FZR1: variants seen among roughly 807,000 people sequenced by gnomAD.
The protein encoded by FZR1 is fizzy and cell division cycle 20 related 1, also known as fizzy-related protein homolog.
FZR1 carries 11 observed loss-of-function variants against 63.6 expected under a neutral mutation model. The observed-to-expected ratio is 0.17, with a 90% CI of 0.11 to 0.29. The LOEUF (loss-of-function observed/expected upper bound fraction) is 0.29, where lower values mean the gene tolerates loss of function less well. FZR1 is among the 10% of genes least tolerant of loss of function. The pLI, the probability that FZR1 is intolerant of heterozygous loss-of-function variation, is 1.00. For synonymous variants in FZR1, 328 were observed against 297.9 expected, an observed-to-expected ratio of 1.10 and a Z score of -1.04; for missense variants, 440 against 687.5, an observed-to-expected ratio of 0.64 and a Z score of 4.03.
intron 1 of FZR1, among the ~76,000 whole-genome samples, chr19:3,513,253 CG>C (rs2083036508): frequency 6.6e-6 from 1 of 152,134 alleles, no homozygotes; most frequent in Admixed American, 6.5e-5. Flanking sequence ...GGCTGTGTCC[CG>C]GCCCACCCCC....
chr19:3,523,791 C>G (rs1458807710), intron 2 of FZR1, among the ~76,000 whole-genome samples: 1 of 152,224 alleles, frequency 6.6e-6, no homozygotes, highest in Admixed American at 6.5e-5. Context: ...GAGGGGCTGT[C>G]CCATCGCAGC....
rs1411952481 is a variant in FZR1, at chr19:3,515,451, C to T, written c.-34-7505C>T. ...GACCGTGGTTTGTTTTTTTGAATAC[C>T]TCACAGTTCACGTGATACAGAATTC... is the stretch of plus-strand genomic sequence containing the variant. On this transcript the variant is annotated intron_variant, in intron 1 of 13. Coordinates refer to ENST00000441788, the MANE Select transcript of FZR1 (RefSeq NM_016263.4). The surrounding 1 kb of genome is among the most constrained non-coding windows in gnomAD (Gnocchi z 4.6). Among the ~76,000 whole-genome samples the T allele has an allele frequency of 6.6e-6, 1 of 152,076 alleles. No homozygotes were observed. The highest frequency in any genetic ancestry group is 1.5e-5 in the Non-Finnish European group (1 of 68,010).
intron 7 of FZR1, among the ~76,000 whole-genome samples, chr19:3,529,142 A>ATGGGAGAGCGGATGGGAGAGCGGT (rs1372311729): frequency 1.2e-5 from 1 of 85,710 alleles, no homozygotes. Context: ...GGGAGAGCGG[A>ATGGGAGAGCGGATGGGAGAGCGGT]TGGGAGAGCG....
Position 3,533,480 on chromosome 19 carries a change from T to TGCTCTG in FZR1, c.1347+82_1347+83insGCTCTG. Reference sequence around the variant, plus strand: ...CCACCCCAGAGCACCCTGTCCTGTGTTCTTAGGGAGGATGGTGTGCAGATC... The same window carrying TGCTCTG: ...CCACCCCAGAGCACCCTGTCCTGTGTGCTCTGTCTTAGGGAGGATGGTGTGCAGATC... On this transcript the variant is annotated intron_variant, in intron 12 of 13. Transcript: ENST00000441788. This position sits in a 1 kb window ranked among gnomAD's most constrained non-coding sequence, Gnocchi z 4.9. The TGCTCTG allele has an allele frequency of 1.2e-6, 1 of 829,916 alleles. No homozygotes were observed. Among genetic ancestry groups the TGCTCTG allele is most frequent in the East Asian group, 2.6e-5 (1 of 38,894 alleles). 51.4% of individuals were successfully genotyped at this position (829,916 alleles called of 1,614,324 possible).
At chr19:3,518,228 G>A (rs1267077045) in intron 1 of FZR1, among the ~76,000 whole-genome samples, 1 of 152,032 alleles carries the variant, frequency 6.6e-6, no homozygotes, top group Non-Finnish European at 1.5e-5. Flanking sequence ...TGGCCAGGCT[G>A]GTGTCGAACT....
rs1200896420 is a variant in FZR1 at position 3,526,178 on chromosome 19, G to C, written c.254G>C (p.Gly85Ala). Residue 85 changes from glycine (G) to alanine (A), a missense_variant, in exon 4 of 14, where the codon GGC becomes GCC. By Grantham distance (60) the Gly-to-Ala change is moderately conservative. Coordinates refer to ENST00000441788, the MANE Select transcript of FZR1 (RefSeq NM_016263.4). This position sits in a 1 kb window ranked among gnomAD's most constrained non-coding sequence, Gnocchi z 5.4. ...GCCAAGGACGCCACCTCAGACAACG[G>C]CAAAGGTTAGGGTCCCAGCCCATCC... ...RKAKDATSDN[G>A]KDGLAYSALL... 6.2e-7 allele frequency: 1 copy of C among 1,612,598 alleles called. No individual in the cohort carries two copies. The highest frequency in any genetic ancestry group is 1.7e-5 in the Admixed American group (1 of 60,022).
chr19:3,520,088 G>A (rs117364615), intron 1 of FZR1, among the ~76,000 whole-genome samples: 7,956 of 152,294 alleles, frequency 0.052, 299 homozygotes, highest in Middle Eastern at 0.11. Context: ...CTCCAGGCTC[G>A]GGAAATTGTC....
chr19:3,508,187 C>T (rs59493227), intron 1 of FZR1, among the ~76,000 whole-genome samples: 2 of 144,924 alleles, frequency 1.4e-5, no homozygotes, highest in Non-Finnish European at 3.0e-5. Flanking sequence ...CAAGGTGGGG[C>T]TACATTGATT....
chr19:3,528,015 A>G (rs2083178765), intron 7 of FZR1, among the ~76,000 whole-genome samples: 1 of 143,956 alleles, frequency 6.9e-6, no homozygotes, highest in African/African-American at 2.6e-5. Flanking sequence ...CCTCCCAGTC[A>G]GGGCCTCCCA....
chr19:3,533,409 GC>G lies in FZR1; in HGVS notation c.1347+13del. The stretch of plus-strand genomic sequence containing the variant: ...CGCGTGCTGTACCTGGTGAGTTCAC[GC>G]CAGGCACTTCAAGGTGCCCCGGGAT... On this transcript the variant is annotated intron_variant, in intron 12 of 13. Coordinates refer to ENST00000441788, the MANE Select transcript of FZR1 (RefSeq NM_016263.4). The surrounding 1 kb of genome is among the most constrained non-coding windows in gnomAD (Gnocchi z 4.9). 1.9e-6 allele frequency: 3 copies of G among 1,549,480 alleles called. No individual in the cohort carries two copies. The highest frequency in any genetic ancestry group is 2.7e-6 in the Non-Finnish European group (3 of 1,122,152).
Position 3,527,706 on chromosome 19 carries a change from C to T in FZR1, c.546C>T (p.Pro182=), listed in dbSNP as rs1410385702. 3 of 1,612,546 alleles carry T rather than the reference C, an allele frequency of 1.9e-6. No homozygotes were observed. The highest frequency in any genetic ancestry group is 1.7e-6 in the Non-Finnish European group (2 of 1,179,858). Reference sequence around the variant, plus strand: ...TCCCCTTCAAGGTGCTGGACGCGCCCGAGCTGCAGGACGACTTCTACCTCA... The same window carrying T: ...TCCCCTTCAAGGTGCTGGACGCGCCTGAGCTGCAGGACGACTTCTACCTCA... The part of the protein sequence containing the change: ...SKIPFKVLDA[P]ELQDDFYLNL... Residue 182 remains proline (P), a synonymous_variant, in exon 7 of 14, where the codon CCC becomes CCT. Coordinates refer to ENST00000441788, the MANE Select transcript of FZR1 (RefSeq NM_016263.4).
At position 3,514,336 on chromosome 19, in the gene FZR1, T is replaced by G. The variant is rs1466480256; in HGVS notation, c.-35+7862T>G. Among the ~76,000 whole-genome samples the G allele has an allele frequency of 6.6e-6, 1 of 152,182 alleles. No homozygotes were observed. Among genetic ancestry groups the G allele is most frequent in the African/African-American group, 2.4e-5 (1 of 41,450 alleles). On this transcript the variant is annotated intron_variant, in intron 1 of 13. Transcript: ENST00000441788. This position sits in a 1 kb window ranked among gnomAD's most constrained non-coding sequence, Gnocchi z 4.2. Reference sequence around the variant, plus strand: ...CTCATTCAAGTCACTTCCCTGGTTTTGCCCGAGAGCAGGGTCTCTGCCCTT... The same window carrying G: ...CTCATTCAAGTCACTTCCCTGGTTTGGCCCGAGAGCAGGGTCTCTGCCCTT...
rs1434972896 is a variant in FZR1, at chr19:3,526,045, CT to C, written c.195+53del. ...GGACCCCCCGGGAAGCCCAGGGCCCCTCCCAGCCTCCTTGCTCTAGGGCCGG... is the reference window on the plus strand; with the variant it reads ...GGACCCCCCGGGAAGCCCAGGGCCCCCCCAGCCTCCTTGCTCTAGGGCCGG... On this transcript the variant is annotated intron_variant, in intron 3 of 13. Transcript: ENST00000441788. This position sits in a 1 kb window ranked among gnomAD's most constrained non-coding sequence, Gnocchi z 5.4. 4 of 1,611,602 alleles carry C rather than the reference CT, an allele frequency of 2.5e-6. No homozygotes were observed. The African/African-American group carries it at 5.3e-5, about 22-fold the overall frequency.
At chr19:3,512,572 G>T (rs1228083076) in intron 1 of FZR1, among the ~76,000 whole-genome samples, 1 of 152,180 alleles carries the variant, frequency 6.6e-6, no homozygotes, top group Non-Finnish European at 1.5e-5. Context: ...TCATGGGAGG[G>T]CACAAGGAGG....
At chr19:3,532,725 A>G in intron 11 of FZR1, 75 bp downstream of exon 11, 1 of 1,013,496 alleles carries the variant, frequency 9.9e-7, no homozygotes, top group Non-Finnish European at 1.5e-6. Context: ...GCCACCTGAG[A>G]GCAGCCTGTG....
intron 8 of FZR1, 24 bp from the exon 9 acceptor site, chr19:3,531,690 C>G (rs567621103): frequency 2.7e-6 from 4 of 1,503,486 alleles, no homozygotes; most frequent in Admixed American, 2.0e-5. Context: ...GACACCGGTG[C>G]TCTGCCCATG....
At chr19:3,527,883 A>G (rs71339190) in intron 7 of FZR1, 69 bp downstream of exon 7, 16 of 1,266,224 alleles carry the variant, frequency 1.3e-5, no homozygotes, top group Non-Finnish European at 1.8e-5. Flanking sequence ...CAATGTACCC[A>G]CCGGGATCCA....
chr19:3,537,947 G>A lies in FZR1; in HGVS notation c.*3111G>A, dbSNP rs1197886312. On this transcript the variant is annotated 3_prime_UTR_variant, in exon 14 of 14. Coordinates refer to ENST00000441788, the MANE Select transcript of FZR1 (RefSeq NM_016263.4). ...ATTTCAGCCAGGGCTGGAGAAGGCAGGGACGCCTGGGTGAGAGGCAAAGGG... is the reference window on the plus strand; with the variant it reads ...ATTTCAGCCAGGGCTGGAGAAGGCAAGGACGCCTGGGTGAGAGGCAAAGGG... 1 of 152,686 alleles carries A rather than the reference G, an allele frequency of 6.5e-6. No individual in the cohort carries two copies. The highest frequency in any genetic ancestry group is 6.5e-5 in the Admixed American group (1 of 15,294). 9.5% of individuals were successfully genotyped at this position (152,686 alleles called of 1,614,324 possible).
At position 3,528,716 on chromosome 19, in the gene FZR1, TTA is replaced by T. The variant is rs1188149489; in HGVS notation, c.654+903_654+904del. ...ATGAGAGAGTGGATGGGTGAGCAGA[TTA>T]GGGAGTGGATGGGTGAGTGGATGGG... On this transcript the variant is annotated intron_variant, in intron 7 of 13. Coordinates refer to ENST00000441788, the MANE Select transcript of FZR1 (RefSeq NM_016263.4). Among the ~76,000 whole-genome samples the T allele has an allele frequency of 9.3e-3, 1,111 of 119,722 alleles. 23 individuals carry two copies. The highest frequency in any genetic ancestry group is 0.086 in the South Asian group (321 of 3,748). 78.5% of individuals were successfully genotyped at this position (119,722 alleles called of 152,430 possible).
Sources: gnomAD v4.1 joint callset for allele counts (sites outside exome capture counted in the v4.1 genomes callset) on GRCh38, gnomAD v4.1.1 for gene constraint, Gnocchi (gnomAD v3.1) non-coding constraint, MANE v1.5 for transcripts, NCBI Gene and HGNC (gene_info 2026-07-23, HGNC 2026-07-21) for gene names.